DLGAP2: variants seen among roughly 807,000 people sequenced by gnomAD.
DLGAP2 encodes the protein DLG associated protein 2, also known as disks large-associated protein 2.
Under a neutral mutation model 100.3 loss-of-function variants are expected in DLGAP2, and 26 were observed. That is an observed-to-expected ratio of 0.26 (90% CI 0.19 to 0.36). DLGAP2 has a LOEUF of 0.36. DLGAP2 is among the 10% of genes least tolerant of loss of function. The probability of loss-of-function intolerance (pLI) is 1.00; values close to 1 mark genes in which losing one functional copy is unlikely to be tolerated. For synonymous variants in DLGAP2, 886 were observed against 630.1 expected (o/e 1.41, Z -6.08); for missense variants, 1,858 against 1,453.2 (o/e 1.28, Z -4.53).
intron 2 of DLGAP2, among the ~76,000 whole-genome samples, chr8:1,249,181 G>T (rs1022652363): frequency 5.9e-5 from 9 of 152,138 alleles, no homozygotes; most frequent in Admixed American, 3.9e-4. Flanking sequence ...TACTGCTGGA[G>T]AGAAGAGAAT....
At chr8:753,916 A>C (rs1383058371) in intron 1 of DLGAP2, 1 of 152,230 alleles carries the variant, frequency 6.6e-6, no homozygotes, top group Non-Finnish European at 1.5e-5. Flanking sequence ...TGCCGCAGGA[A>C]GGGCCTTCGC....
intron 3 of DLGAP2, among the ~76,000 whole-genome samples, chr8:1,357,040 C>T (rs1267612911): frequency 6.6e-6 from 1 of 150,788 alleles, no homozygotes; most frequent in Non-Finnish European, 1.5e-5. Context: ...AGAAATCATC[C>T]TCCCTGTTAA....
intron 2 of DLGAP2, among the ~76,000 whole-genome samples, chr8:1,231,005 A>G (rs1207203172): frequency 2.6e-5 from 4 of 152,204 alleles, no homozygotes; most frequent in African/African-American, 9.6e-5. Context: ...TAAATTGACA[A>G]GTGGGACCTA....
chr8:1,525,000 G>C (rs1278729267), intron 4 of DLGAP2, among the ~76,000 whole-genome samples: 3 of 152,094 alleles, frequency 2.0e-5, no homozygotes, highest in African/African-American at 2.4e-5. Context: ...GGATGGCGGA[G>C]CAGCCAATCC....
intron 13 of DLGAP2, among the ~76,000 whole-genome samples, chr8:1,696,933 G>A (rs1293819610): frequency 6.6e-6 from 1 of 152,256 alleles, no homozygotes; most frequent in Non-Finnish European, 1.5e-5. Context: ...ACAATGAACA[G>A]CTGTGCTACG....
intron 3 of DLGAP2, among the ~76,000 whole-genome samples, chr8:1,489,126 T>C (rs1799304037): frequency 6.6e-6 from 1 of 152,220 alleles, no homozygotes; most frequent in Non-Finnish European, 1.5e-5. Context: ...CAAGAAAATA[T>C]GTCCTCCTCT....
intron 2 of DLGAP2, among the ~76,000 whole-genome samples, chr8:947,568 C>G (rs1015070148): frequency 3.3e-5 from 5 of 152,174 alleles, no homozygotes; most frequent in Non-Finnish European, 7.3e-5. Context: ...TGCCGGGCCC[C>G]TCGGTGTGCC....
At chr8:1,700,068 C>T (rs750547450) in intron 14 of DLGAP2, among the ~76,000 whole-genome samples, 2 of 152,200 alleles carry the variant, frequency 1.3e-5, no homozygotes, top group Non-Finnish European at 2.9e-5. Context: ...AGAGTCATTG[C>T]TTCTGGCCTA....
In DLGAP2 at chr8:737,756, G is replaced by A. The variant is rs1038637260; in HGVS notation, c.-52G>A. ...GCCCCGGGAGCCGTCGGTCTGAGGA[G>A]GGGCCGCTTCGCCATGTCGCCCCGC... is the stretch of plus-strand genomic sequence containing the variant. On this transcript the variant is annotated 5_prime_UTR_variant, in exon 1 of 15. Transcript: ENST00000637795. 2 of 377,088 alleles carry A rather than the reference G, an allele frequency of 5.3e-6. No individual in the cohort carries two copies. The highest frequency in any genetic ancestry group is 9.4e-6 in the Non-Finnish European group (2 of 211,974). 23.4% of individuals were successfully genotyped at this position (377,088 alleles called of 1,614,324 possible).
At chr8:1,436,176 C>T (rs1393084460) in intron 3 of DLGAP2, among the ~76,000 whole-genome samples, 2 of 152,198 alleles carry the variant, frequency 1.3e-5, no homozygotes, top group African/African-American at 2.4e-5. Context: ...GCTGAGGAAC[C>T]AGGAAGCCAG....
intron 2 of DLGAP2, among the ~76,000 whole-genome samples, chr8:1,157,526 G>A (rs1441337388): frequency 1.3e-5 from 2 of 151,950 alleles, no homozygotes; most frequent in East Asian, 1.9e-4. Context: ...ACTAAATTAC[G>A]TGGGCCTTTC....
chr8:1,636,465 T>C (rs947977426), intron 8 of DLGAP2, among the ~76,000 whole-genome samples: 2 of 152,250 alleles, frequency 1.3e-5, no homozygotes, highest in African/African-American at 4.8e-5. Context: ...ATTATCTCTA[T>C]ATTTCAGTAC....
At chr8:1,687,577 T>C (rs995491663) in intron 12 of DLGAP2, among the ~76,000 whole-genome samples, 2 of 152,222 alleles carry the variant, frequency 1.3e-5, no homozygotes, top group Admixed American at 1.3e-4. Flanking sequence ...AGCTACACTT[T>C]TTGACATTCA....
intron 1 of DLGAP2, among the ~76,000 whole-genome samples, chr8:745,748 A>G (rs998012546): frequency 2.0e-5 from 3 of 152,234 alleles, no homozygotes; most frequent in South Asian, 2.1e-4. Context: ...CAAAAACATG[A>G]AAGTTAAGTA....
At chr8:1,439,951 T>C (rs1268921796) in intron 3 of DLGAP2, among the ~76,000 whole-genome samples, 1 of 152,160 alleles carries the variant, frequency 6.6e-6, no homozygotes, top group Non-Finnish European at 1.5e-5. Flanking sequence ...GGTCACAGTA[T>C]ATTTTGATAT....
At chr8:1,182,117 C>T (rs936394210) in intron 2 of DLGAP2, among the ~76,000 whole-genome samples, 1 of 152,236 alleles carries the variant, frequency 6.6e-6, no homozygotes, top group Admixed American at 6.5e-5. Context: ...AACAGCGTCT[C>T]CTCCGTGTTC....
chr8:1,232,552 T>C (rs1798559096), intron 2 of DLGAP2, among the ~76,000 whole-genome samples: 1 of 152,226 alleles, frequency 6.6e-6, no homozygotes, highest in Non-Finnish European at 1.5e-5. Context: ...AATGTGGTGA[T>C]GGGGGCTGTG....
At chr8:1,313,704 A>G (rs1055931132) in intron 3 of DLGAP2, among the ~76,000 whole-genome samples, 7 of 152,350 alleles carry the variant, frequency 4.6e-5, no homozygotes, top group Middle Eastern at 3.4e-3. Context: ...ACTACAGGAC[A>G]AAAGAGGGTT....
chr8:1,674,482 T>C (rs904136761), intron 10 of DLGAP2, among the ~76,000 whole-genome samples: 2 of 152,242 alleles, frequency 1.3e-5, no homozygotes, highest in Non-Finnish European at 2.9e-5. Context: ...CCTCACACAC[T>C]GGTCAGAATT....
Sources: allele counts gnomAD v4.1 joint callset (sites outside exome capture counted in the v4.1 genomes callset), GRCh38; gene constraint gnomAD v4.1.1; transcripts MANE v1.5; gene names NCBI Gene and HGNC (gene_info 2026-07-23, HGNC 2026-07-21).